MECOM: variants seen among roughly 807,000 people sequenced by gnomAD.
MECOM encodes the protein histone-lysine N-methyltransferase MECOM.
MECOM carries 13 observed loss-of-function variants against 116.3 expected under a neutral mutation model. That is an observed-to-expected ratio of 0.11 (90% CI 0.07 to 0.18). The LOEUF (loss-of-function observed/expected upper bound fraction) is 0.18, where lower values mean the gene tolerates loss of function less well. Ranked by LOEUF, MECOM falls within the 10% of genes least tolerant of loss-of-function variation. MECOM has a pLI of 1.00. For synonymous variants in MECOM, 528 were observed against 535.2 expected (o/e 0.99, Z 0.19); for missense variants, 1,299 against 1,509.0 (o/e 0.86, Z 2.31).
At chr3:169,627,882 T>A (rs545600164) in intron 1 of MECOM, among the ~76,000 whole-genome samples, 8 of 152,204 alleles carry the variant, frequency 5.3e-5, no homozygotes, top group South Asian at 4.2e-4. Flanking sequence ...TGTGAGCAAG[T>A]GGATAAAGCT....
chr3:169,542,579 G>A (rs914897803), intron 1 of MECOM, among the ~76,000 whole-genome samples: 2 of 152,206 alleles, frequency 1.3e-5, no homozygotes, highest in African/African-American at 4.8e-5. Context: ...TTAGCTAATT[G>A]TTATGATTAG....
At chr3:169,360,319 C>A (rs866949822) in intron 2 of MECOM, among the ~76,000 whole-genome samples, 295 of 87,550 alleles carry the variant, frequency 3.4e-3, no homozygotes, top group Middle Eastern at 6.9e-3. Context: ...AAAGTTACAC[C>A]AAAAAAAAAA....
chr3:169,352,374 G>A (rs1726472768), intron 2 of MECOM, among the ~76,000 whole-genome samples: 1 of 151,868 alleles, frequency 6.6e-6, no homozygotes, highest in Non-Finnish European at 1.5e-5. Context: ...GTATCTACAA[G>A]TGGGAGTCAC....
chr3:169,166,410 C>T (rs910430582), intron 2 of MECOM, among the ~76,000 whole-genome samples: 7 of 151,960 alleles, frequency 4.6e-5, no homozygotes, highest in African/African-American at 1.7e-4. Context: ...AACGTCACTC[C>T]GAACAAATGC....
intron 1 of MECOM, among the ~76,000 whole-genome samples, chr3:169,629,699 T>C (rs1577186012): frequency 6.6e-6 from 1 of 152,316 alleles, no homozygotes; most frequent in South Asian, 2.1e-4. Flanking sequence ...TTGCTAAGAT[T>C]CCAAGCTCAC....
intron 1 of MECOM, among the ~76,000 whole-genome samples, chr3:169,410,312 T>A (rs761961634): frequency 1.3e-5 from 2 of 152,216 alleles, no homozygotes; most frequent in Non-Finnish European, 2.9e-5. Flanking sequence ...TGTTCAGTAG[T>A]TTTTAAAATA....
chr3:169,146,218 A>G, intron 2 of MECOM: 15 of 1,126,434 alleles, frequency 1.3e-5, no homozygotes, highest in Non-Finnish European at 1.6e-5. Flanking sequence ...AAAAAAAAAA[A>G]TCCCCACAAT....
chr3:169,388,987 G>C (rs1733820005), intron 1 of MECOM, among the ~76,000 whole-genome samples: 1 of 152,208 alleles, frequency 6.6e-6, no homozygotes, highest in Admixed American at 6.5e-5. Flanking sequence ...GGCAAAGAAT[G>C]TGATACGGAT....
At chr3:169,561,318 A>G (rs1164931859) in intron 1 of MECOM, among the ~76,000 whole-genome samples, 1 of 152,126 alleles carries the variant, frequency 6.6e-6, no homozygotes, top group African/African-American at 2.4e-5. Flanking sequence ...AATAGTAAAA[A>G]GTTTAAAATG....
chr3:169,130,802 T>G (rs1009137150), intron 4 of MECOM, among the ~76,000 whole-genome samples: 1 of 112,236 alleles, frequency 8.9e-6, no homozygotes, highest in Admixed American at 8.4e-5. Flanking sequence ...TATATTAAAT[T>G]TCCATCTCAA....
intron 2 of MECOM, among the ~76,000 whole-genome samples, chr3:169,198,932 C>T (rs1212372717): frequency 4.0e-5 from 6 of 151,700 alleles, no homozygotes; most frequent in Non-Finnish European, 8.8e-5. Flanking sequence ...AAATAGGGAC[C>T]CAAGAGACAG....
chr3:169,249,554 G>T (rs770218403), intron 2 of MECOM, among the ~76,000 whole-genome samples: 1 of 152,062 alleles, frequency 6.6e-6, no homozygotes, highest in African/African-American at 2.4e-5. Context: ...AGCCTGATAG[G>T]GTAGCCAGCT....
At chr3:169,523,660 T>C (rs1215815995) in intron 1 of MECOM, among the ~76,000 whole-genome samples, 1 of 152,074 alleles carries the variant, frequency 6.6e-6, no homozygotes, top group Non-Finnish European at 1.5e-5. Context: ...TTATTATCTA[T>C]GCAATGTAAG....
At chr3:169,439,863 A>C (rs1743312710) in intron 1 of MECOM, among the ~76,000 whole-genome samples, 1 of 152,206 alleles carries the variant, frequency 6.6e-6, no homozygotes, top group African/African-American at 2.4e-5. Flanking sequence ...ATTATACAAC[A>C]GTGAAAATGA....
intron 1 of MECOM, chr3:169,614,724 G>T (rs77259190): frequency 6.6e-6 from 1 of 151,954 alleles, no homozygotes; most frequent in Non-Finnish European, 1.5e-5. Flanking sequence ...AAAAAAGACG[G>T]TCTCTCACTA....
chr3:169,640,170 C>A (rs11718956), intron 1 of MECOM, among the ~76,000 whole-genome samples: 41,571 of 148,322 alleles, frequency 0.28, 6,730 homozygotes, highest in East Asian at 0.44. Flanking sequence ...ATTTTTAATT[C>A]AAAAAAAATT....
chr3:169,626,412 A>G (rs1771379810), intron 1 of MECOM, among the ~76,000 whole-genome samples: 1 of 152,240 alleles, frequency 6.6e-6, no homozygotes. Flanking sequence ...TTTAAGATAC[A>G]TTTGCCCTCA....
At chr3:169,187,424 G>A (rs1018806801) in intron 2 of MECOM, among the ~76,000 whole-genome samples, 2 of 152,076 alleles carry the variant, frequency 1.3e-5, no homozygotes, top group African/African-American at 4.8e-5. Context: ...AAGCCAACAC[G>A]TTACAATTTT....
chr3:169,290,205 T>C (rs9847973), intron 2 of MECOM, among the ~76,000 whole-genome samples: 33,265 of 152,084 alleles, frequency 0.22, 8,853 homozygotes, highest in African/African-American at 0.63. Context: ...CAAATGTTAA[T>C]AAAGTCTCTG....
Sources: gnomAD v4.1 joint callset for allele counts (sites outside exome capture counted in the v4.1 genomes callset) on GRCh38, gnomAD v4.1.1 for gene constraint, MANE v1.5 for transcripts, NCBI Gene and HGNC (gene_info 2026-07-23, HGNC 2026-07-21) for gene names.